The following SLC1A3 variants were observed in gnomAD, a reference collection of about 807,000 sequenced individuals.
SLC1A3 encodes the protein excitatory amino acid transporter 1.
Under a neutral mutation model 48.1 loss-of-function variants are expected in SLC1A3, and 21 were observed. That is an observed-to-expected ratio of 0.44 (90% confidence interval 0.31 to 0.63). The LOEUF (loss-of-function observed/expected upper bound fraction) is 0.63. Among genes scored for constraint, SLC1A3 ranks in the 20% least tolerant of loss-of-function variants. The pLI, the probability that SLC1A3 is intolerant of heterozygous loss-of-function variation, is 0.08. For missense variants in SLC1A3, 546 were observed against 689.0 expected, an observed-to-expected ratio of 0.79 and a Z score of 2.32; for synonymous variants, 239 against 251.4, an observed-to-expected ratio of 0.95 and a Z score of 0.47.
intron 6 of SLC1A3, 85 bp from the exon 7 acceptor site, chr5:36,679,542 T>C: frequency 1.0e-6 from 1 of 966,420 alleles, no homozygotes; most frequent in Non-Finnish European, 1.7e-6. Flanking sequence ...AACTCTCTTT[T>C]CCCTTTTTCT....
rs1739050439 is a variant in SLC1A3 at position 36,608,448 on chromosome 5, C to A, written c.25C>A (p.Pro9Thr). MTKSNGEEPKMGGRMERFQ... is the reference protein window; with the variant it reads MTKSNGEETKMGGRMERFQ... ...TATGACTAAAAGCAATGGAGAAGAGCCCAAGATGGGGGGCAGGATGGAGAG... is the reference window on the plus strand; with the variant it reads ...TATGACTAAAAGCAATGGAGAAGAGACCAAGATGGGGGGCAGGATGGAGAG... The change falls in exon 2 of 10, where the codon CCC becomes ACC. Residue 9 changes from proline to threonine, a missense_variant. Around this residue, in one of 3 missense-constraint regions of SLC1A3, gnomAD observed 348 missense variants for 392.0 expected, o/e 0.89. Coordinates refer to ENST00000265113, the MANE Select transcript of SLC1A3 (RefSeq NM_004172.5). 2.5e-6 allele frequency: 4 copies of A among 1,613,868 alleles called. No individual in the cohort carries two copies. The highest frequency in any genetic ancestry group is 1.3e-5 in the African/African-American group (1 of 74,894).
chr5:36,601,644 A>G (rs909147953), upstream of SLC1A3, among the ~76,000 whole-genome samples: 4 of 152,138 alleles, frequency 2.6e-5, no homozygotes, highest in Non-Finnish European at 5.9e-5. Flanking sequence ...TCCACACATT[A>G]AGGAGGTGCC....
intron 6 of SLC1A3, among the ~76,000 whole-genome samples, chr5:36,677,480 T>A (rs1742262116): frequency 6.6e-6 from 1 of 152,236 alleles, no homozygotes; most frequent in Admixed American, 6.5e-5. Context: ...ATTCAAGACA[T>A]AATTATTGAG....
At chr5:36,610,344 T>TAA (rs1385871107) in intron 2 of SLC1A3, among the ~76,000 whole-genome samples, 1 of 152,212 alleles carries the variant, frequency 6.6e-6, no homozygotes, top group Non-Finnish European at 1.5e-5. Context: ...AAAGAAAACT[T>TAA]ACAGTTCTCC....
At chr5:36,673,903 T>G in intron 4 of SLC1A3, 146 bp from the exon 5 acceptor site, 1 of 710,528 alleles carries the variant, frequency 1.4e-6, no homozygotes, top group East Asian at 2.5e-5. Context: ...TATATTCTTT[T>G]CAAGCTGTAA....
In SLC1A3 at chr5:36,623,014, CAAAAAAAAAAAA is replaced by C. The variant is rs1158762437; in HGVS notation, c.182-6426_182-6415del. On this transcript the variant is annotated intron_variant, in intron 2 of 9. Transcript: ENST00000265113. ...GCTACAGAGGGAGACTCCATCATCT[CAAAAAAAAAAAA>C]AAAAAAAAAGAAGTGTTTGTTGTTA... 9.6e-5 allele frequency among the ~76,000 whole-genome samples: 5 copies of C among 51,938 alleles called. No homozygotes were observed. The East Asian group carries it at 2.7e-3, about 28-fold the overall frequency. 34.1% of individuals were successfully genotyped at this position (51,938 alleles called of 152,430 possible).
chr5:36,670,166 AGC>A (rs969313833), intron 3 of SLC1A3, among the ~76,000 whole-genome samples: 3 of 152,196 alleles, frequency 2.0e-5, no homozygotes, highest in African/African-American at 7.2e-5. Context: ...GTGTTCCATT[AGC>A]TACAGCCTTT....
chr5:36,598,336 T>C (rs1738767634), intron 1 of SLC1A3, among the ~76,000 whole-genome samples: 1 of 152,222 alleles, frequency 6.6e-6, no homozygotes, highest in Non-Finnish European at 1.5e-5. Flanking sequence ...GCCTGACACA[T>C]AAGTCTTTTC....
At chr5:36,666,808 C>T (rs1371389465) in intron 3 of SLC1A3, among the ~76,000 whole-genome samples, 1 of 152,210 alleles carries the variant, frequency 6.6e-6, no homozygotes, top group Non-Finnish European at 1.5e-5. Flanking sequence ...ACCACATACA[C>T]ATTTCCAAAA....
intron 2 of SLC1A3, among the ~76,000 whole-genome samples, chr5:36,619,895 A>G (rs1739596174): frequency 6.6e-6 from 1 of 152,258 alleles, no homozygotes; most frequent in African/African-American, 2.4e-5. Flanking sequence ...ATGAATTAGT[A>G]TAAAGCAGCT....
chr5:36,619,357 C>G lies in SLC1A3; in HGVS notation c.182-10093C>G, dbSNP rs143347202. 1.2e-4 allele frequency among the ~76,000 whole-genome samples: 18 copies of G among 152,330 alleles called. No homozygotes were observed. The East Asian group carries it at 1.5e-3, about 13-fold the overall frequency. Reference sequence around the variant, plus strand: ...CTTTCTTTGTAAAAATAAGCCAATACAGCCTGGCACAGTGACTCACTGCTG... The same window carrying G: ...CTTTCTTTGTAAAAATAAGCCAATAGAGCCTGGCACAGTGACTCACTGCTG... On this transcript the variant is annotated intron_variant, in intron 2 of 9. Transcript: ENST00000265113.
At chr5:36,665,977 T>C (rs1469370923) in intron 3 of SLC1A3, among the ~76,000 whole-genome samples, 1 of 152,176 alleles carries the variant, frequency 6.6e-6, no homozygotes, top group Non-Finnish European at 1.5e-5. Context: ...TACAAGCTAG[T>C]CTATAAAGGG....
intron 2 of SLC1A3, among the ~76,000 whole-genome samples, chr5:36,609,994 T>C (rs1348689088): frequency 1.3e-5 from 2 of 152,220 alleles, no homozygotes; most frequent in African/African-American, 4.8e-5. Flanking sequence ...GAGTTTTGTT[T>C]ATATTAGCTC....
rs11292001 is a variant in SLC1A3, at chr5:36,636,600, C to CT, written c.319+7029dup. ...CTTTCTTTTTCTTCCTTTCTTCTTT[C>CT]TTTTTTTTTTTTTTTTGCCCTGAAT... On this transcript the variant is annotated intron_variant, in intron 3 of 9. Transcript: ENST00000265113. 3.4e-3 allele frequency among the ~76,000 whole-genome samples: 364 copies of CT among 107,734 alleles called. 6 individuals carry two copies. Among genetic ancestry groups the CT allele is most frequent in the African/African-American group, 0.01 (294 of 28,138 alleles). 70.7% of individuals were successfully genotyped at this position (107,734 alleles called of 152,430 possible). A position where few individuals can be genotyped will look rare whatever the true frequency, so the allele number is the denominator to read the frequency against.
chr5:36,649,977 C>T (rs1183007907), intron 3 of SLC1A3, among the ~76,000 whole-genome samples: 1 of 152,222 alleles, frequency 6.6e-6, no homozygotes, highest in Non-Finnish European at 1.5e-5. Context: ...TCATGGATTA[C>T]TTTAGTGCAC....
At chr5:36,664,480 T>C (rs902835893) in intron 3 of SLC1A3, among the ~76,000 whole-genome samples, 1 of 151,078 alleles carries the variant, frequency 6.6e-6, no homozygotes, top group Non-Finnish European at 1.5e-5. Flanking sequence ...TGGGGGTTTA[T>C]GCCAGTGTTT....
At chr5:36,648,988 T>C (rs1371643079) in intron 3 of SLC1A3, among the ~76,000 whole-genome samples, 1 of 152,198 alleles carries the variant, frequency 6.6e-6, no homozygotes, top group African/African-American at 2.4e-5. Flanking sequence ...GTATGTTTAA[T>C]TGTAAAAGTC....
intron 9 of SLC1A3, among the ~76,000 whole-genome samples, chr5:36,684,495 C>T (rs1317133813): frequency 6.6e-6 from 1 of 152,186 alleles, no homozygotes; most frequent in Non-Finnish European, 1.5e-5. Context: ...AATTGAGTTT[C>T]GGATCTAGGG....
chr5:36,642,643 T>C (rs1158378597), intron 3 of SLC1A3, among the ~76,000 whole-genome samples: 1 of 152,142 alleles, frequency 6.6e-6, no homozygotes, highest in Non-Finnish European at 1.5e-5. Context: ...TGTGCATCCA[T>C]CATCACAATC....
Sources: gnomAD v4.1 joint callset for allele counts (sites outside exome capture counted in the v4.1 genomes callset) on GRCh38, gnomAD v4.1.1 for gene constraint, gnomAD v4.1.1 regional missense constraint, MANE v1.5 for transcripts, NCBI Gene and HGNC (gene_info 2026-07-23, HGNC 2026-07-21) for gene names.